The following PTPRD variants were observed in gnomAD, a reference collection of about 807,000 sequenced individuals.
PTPRD encodes the protein receptor-type tyrosine-protein phosphatase delta.
PTPRD carries 34 observed loss-of-function variants against 214.5 expected under a neutral mutation model. The observed-to-expected ratio is 0.16, with a 90% CI of 0.12 to 0.21. The LOEUF (loss-of-function observed/expected upper bound fraction) is 0.21. PTPRD is among the 10% of genes least tolerant of loss of function. PTPRD has a pLI of 1.00. For synonymous variants in PTPRD, 1,128 were observed against 845.7 expected (o/e 1.33, Z -5.79); for missense variants, 2,545 against 2,398.7 (o/e 1.06, Z -1.27).
intron 10 of PTPRD, among the ~76,000 whole-genome samples, chr9:9,034,075 G>A (rs115430280): frequency 0.023 from 3,514 of 152,176 alleles, 138 homozygotes; most frequent in African/African-American, 0.08. Context: ...TTAGCCACAG[G>A]GAATAGAAGC....
chr9:9,523,383 G>T (rs777069124), intron 8 of PTPRD, among the ~76,000 whole-genome samples: 16 of 152,022 alleles, frequency 1.1e-4, no homozygotes, highest in Non-Finnish European at 2.1e-4. Flanking sequence ...GAGATATTGG[G>T]TTTAATTTAT....
intron 3 of PTPRD, among the ~76,000 whole-genome samples, chr9:10,243,314 G>T (rs1329523039): frequency 6.7e-6 from 1 of 150,196 alleles, no homozygotes; most frequent in African/African-American, 2.4e-5. Context: ...TTGCTTTTGA[G>T]ACCTGTTTAA....
chr9:8,993,245 A>G (rs927953161), intron 11 of PTPRD, among the ~76,000 whole-genome samples: 1 of 152,120 alleles, frequency 6.6e-6, no homozygotes, highest in Non-Finnish European at 1.5e-5. Context: ...ACAAGCTGTG[A>G]GCCCCAGGAC....
chr9:9,720,888 C>G (rs12336958), intron 7 of PTPRD, among the ~76,000 whole-genome samples: 65,231 of 151,854 alleles, frequency 0.43, 16,486 homozygotes, highest in African/African-American at 0.7. Context: ...AACTAATGCA[C>G]GGACATATAC....
At chr9:9,235,624 A>G (rs1165908293) in intron 9 of PTPRD, among the ~76,000 whole-genome samples, 1 of 152,142 alleles carries the variant, frequency 6.6e-6, no homozygotes, top group Non-Finnish European at 1.5e-5. Context: ...GGGACACCTG[A>G]GACACCTGAC....
chr9:9,411,039 C>T (rs1477571758), intron 8 of PTPRD, among the ~76,000 whole-genome samples: 1 of 150,150 alleles, frequency 6.7e-6, no homozygotes, highest in African/African-American at 2.5e-5. Context: ...TGCAAAACCT[C>T]TTTGTGTGTG....
chr9:8,802,449 C>T (rs1204475554), intron 11 of PTPRD, among the ~76,000 whole-genome samples: 1 of 152,138 alleles, frequency 6.6e-6, no homozygotes, highest in African/African-American at 2.4e-5. Flanking sequence ...TAATGACGCT[C>T]CCTGCCCTAA....
chr9:8,664,969 T>G (rs183619629), intron 12 of PTPRD, among the ~76,000 whole-genome samples: 2 of 152,226 alleles, frequency 1.3e-5, no homozygotes, highest in African/African-American at 4.8e-5. Context: ...CTACACACAA[T>G]TGAGTGATAG....
rs1230354991 is a variant in PTPRD at position 9,411,746 on chromosome 9, GT to G, written c.-236-14265del. Among the ~76,000 whole-genome samples, 5 of 152,318 alleles carry G rather than the reference GT, an allele frequency of 3.3e-5. No homozygotes were observed. The South Asian group carries it at 6.2e-4, about 19-fold the overall frequency. On this transcript the variant is annotated intron_variant, in intron 8 of 45. Coordinates refer to ENST00000381196, the MANE Select transcript of PTPRD (RefSeq NM_002839.4). Reference sequence around the variant, plus strand: ...GTTAACTGAGAGCATTTCTCTTAATGTTTTAAATTAACCAAAGAATTCACAA... The same window carrying G: ...GTTAACTGAGAGCATTTCTCTTAATGTTTAAATTAACCAAAGAATTCACAA...
intron 9 of PTPRD, among the ~76,000 whole-genome samples, chr9:9,324,952 C>G (rs1595803657): frequency 1.3e-5 from 2 of 152,136 alleles, no homozygotes; most frequent in Non-Finnish European, 2.9e-5. Flanking sequence ...ATAGGGAATC[C>G]TTTCCCCATT....
chr9:9,366,381 G>A (rs1433327252), intron 9 of PTPRD, among the ~76,000 whole-genome samples: 1 of 151,456 alleles, frequency 6.6e-6, no homozygotes, highest in Non-Finnish European at 1.5e-5. Context: ...TTGAATCATT[G>A]AGAGTAGGTC....
Position 9,821,281 on chromosome 9 carries a change from C to T in PTPRD, c.-367-54430G>A, listed in dbSNP as rs529016605. On this transcript the variant is annotated intron_variant, in intron 5 of 45. Coordinates refer to ENST00000381196, the MANE Select transcript of PTPRD (RefSeq NM_002839.4). Reference sequence around the variant, plus strand: ...ATTGATTTTGTACCCTGAAACTTTACTGAAGTCAGTATTTTGAGACATTTA... The same window carrying T: ...ATTGATTTTGTACCCTGAAACTTTATTGAAGTCAGTATTTTGAGACATTTA... Among the ~76,000 whole-genome samples the T allele has an allele frequency of 3.3e-5, 5 of 152,228 alleles. No homozygotes were observed. The East Asian group carries it at 7.7e-4, about 24-fold the overall frequency.
chr9:8,428,989 G>A (rs536215633), intron 35 of PTPRD, among the ~76,000 whole-genome samples: 5 of 152,216 alleles, frequency 3.3e-5, no homozygotes, highest in South Asian at 4.1e-4. Flanking sequence ...TCCCCTCTGC[G>A]GAGAAATACA....
At chr9:8,593,840 T>C (rs1456359299) in intron 14 of PTPRD, among the ~76,000 whole-genome samples, 1 of 152,172 alleles carries the variant, frequency 6.6e-6, no homozygotes, top group Non-Finnish European at 1.5e-5. Flanking sequence ...GTGAAATGGA[T>C]ACAACATGAT....
At chr9:9,992,314 G>T (rs144774728) in intron 4 of PTPRD, among the ~76,000 whole-genome samples, 4 of 152,244 alleles carry the variant, frequency 2.6e-5, no homozygotes, top group African/African-American at 7.2e-5. Flanking sequence ...ATAAAAATTC[G>T]TGGTAAAGAA....
intron 9 of PTPRD, among the ~76,000 whole-genome samples, chr9:9,366,184 A>G (rs2057835917): frequency 6.6e-6 from 1 of 151,522 alleles, no homozygotes; most frequent in Non-Finnish European, 1.5e-5. Context: ...ATTAACAAAT[A>G]AAACTAAAAA....
chr9:8,547,044 C>T (rs1382921651), intron 14 of PTPRD, among the ~76,000 whole-genome samples: 8 of 152,152 alleles, frequency 5.3e-5, no homozygotes, highest in African/African-American at 1.7e-4. Context: ...TTTTATCTTG[C>T]TATGTGAAAC....
intron 3 of PTPRD, among the ~76,000 whole-genome samples, chr9:10,285,455 G>A (rs976744112): frequency 2.0e-5 from 3 of 152,010 alleles, no homozygotes; most frequent in African/African-American, 4.8e-5. Flanking sequence ...TTTAACATGT[G>A]TCTAAAGTTA....
intron 8 of PTPRD, among the ~76,000 whole-genome samples, chr9:9,434,241 G>C (rs1456087361): frequency 6.6e-6 from 1 of 152,078 alleles, no homozygotes; most frequent in Non-Finnish European, 1.5e-5. Context: ...CTTCACTAGA[G>C]AATAAAAACA....
Sources: gnomAD v4.1 joint callset for allele counts (sites outside exome capture counted in the v4.1 genomes callset) on GRCh38, gnomAD v4.1.1 for gene constraint, MANE v1.5 for transcripts, NCBI Gene and HGNC (gene_info 2026-07-23, HGNC 2026-07-21) for gene names.